Variants in SCRN1 observed in about 807,000 individuals in gnomAD.
The protein encoded by SCRN1 is secernin-1.
A neutral mutation model predicts 43.3 loss-of-function variants in SCRN1; 19 were observed. That is an observed-to-expected ratio of 0.44 (90% CI 0.31 to 0.64). The LOEUF (loss-of-function observed/expected upper bound fraction) is 0.64. SCRN1 is among the 30% of genes least tolerant of loss of function. The probability of loss-of-function intolerance (pLI) is 0.09; values close to 1 mark genes in which losing one functional copy is unlikely to be tolerated. For synonymous variants in SCRN1, 183 were observed against 188.9 expected (o/e 0.97, Z 0.26); for missense variants, 447 against 524.1 (o/e 0.85, Z 1.44).
At chr7:29,933,618 A>C (rs1312862793) in intron 6 of SCRN1, among the ~76,000 whole-genome samples, 1 of 152,158 alleles carries the variant, frequency 6.6e-6, no homozygotes. Context: ...TTGCCTTCTC[A>C]ATATAATTAA....
At chr7:29,985,755 G>A (rs1372133168) in intron 1 of SCRN1, among the ~76,000 whole-genome samples, 2 of 152,174 alleles carry the variant, frequency 1.3e-5, no homozygotes, top group African/African-American at 4.8e-5. Context: ...ATACTCAGCA[G>A]TCCCAGCCCA....
At chr7:29,924,141 G>C (rs761613797) in intron 7 of SCRN1, 26 bp from the exon 8 acceptor site, 1 of 1,595,022 alleles carries the variant, frequency 6.3e-7, no homozygotes, top group Non-Finnish European at 8.5e-7. Flanking sequence ...ACTGCTTTAG[G>C]TGTCAGCAAA....
chr7:29,983,072 C>T (rs1047887246), intron 1 of SCRN1, among the ~76,000 whole-genome samples: 1 of 151,782 alleles, frequency 6.6e-6, no homozygotes, highest in Non-Finnish European at 1.5e-5. Flanking sequence ...CTCCTGACCT[C>T]GTGATCCGCC....
At chr7:29,929,599 T>G (rs753284219) in intron 6 of SCRN1, among the ~76,000 whole-genome samples, 31 of 152,192 alleles carry the variant, frequency 2.0e-4, no homozygotes, top group Admixed American at 1.9e-3. Context: ...TGGGCGGAGC[T>G]ACCTCCCACA....
At chr7:29,941,801 A>G (rs754008517) in intron 4 of SCRN1, among the ~76,000 whole-genome samples, 40 of 152,354 alleles carry the variant, frequency 2.6e-4, no homozygotes, top group Non-Finnish European at 2.8e-4. Context: ...TCAGCCTTCC[A>G]GCTTCAAGAT....
chr7:29,924,241 C>T (rs960162327), intron 7 of SCRN1, 126 bp from the exon 8 acceptor site: 19 of 852,478 alleles, frequency 2.2e-5, no homozygotes, highest in Middle Eastern at 3.7e-4. Flanking sequence ...CACTCCGTTT[C>T]ACACACGACT....
intron 2 of SCRN1, among the ~76,000 whole-genome samples, chr7:29,958,553 T>C (rs748689885): frequency 1.3e-5 from 2 of 152,226 alleles, no homozygotes; most frequent in African/African-American, 4.8e-5. Flanking sequence ...CTTCTTTCAG[T>C]GTGGCAAAAA....
At chr7:29,947,778 A>G (rs1787782472) in intron 3 of SCRN1, among the ~76,000 whole-genome samples, 1 of 152,098 alleles carries the variant, frequency 6.6e-6, no homozygotes, top group Non-Finnish European at 1.5e-5. Flanking sequence ...GGCCTTTGGG[A>G]GGTGATGAGG....
chr7:29,932,481 C>T (rs773646727), intron 6 of SCRN1, among the ~76,000 whole-genome samples: 4 of 151,342 alleles, frequency 2.6e-5, no homozygotes, highest in East Asian at 3.9e-4. Context: ...GGTGAAACCC[C>T]GTCTCTACTA....
chr7:29,954,331 T>TA (rs1788057359), intron 3 of SCRN1, among the ~76,000 whole-genome samples: 1 of 151,864 alleles, frequency 6.6e-6, no homozygotes, highest in African/African-American at 2.4e-5. Flanking sequence ...TTTCATATTT[T>TA]TATATATATA....
At chr7:29,946,353 C>T (rs984991010) in intron 3 of SCRN1, among the ~76,000 whole-genome samples, 2 of 152,204 alleles carry the variant, frequency 1.3e-5, no homozygotes, top group East Asian at 1.9e-4. Flanking sequence ...TGTACACACT[C>T]GAAGGCCTCC....
In SCRN1 at chr7:29,920,342, T is replaced by C. The variant is rs1786712700; in HGVS notation, c.*3615A>G. On this transcript the variant is annotated 3_prime_UTR_variant, in exon 8 of 8. Coordinates refer to ENST00000242059, the MANE Select transcript of SCRN1 (RefSeq NM_014766.5). ...AATTCTCACAGCATAATTGCAAACA[T>C]GTACATATTGGTTCCCACGAGAAAT... The C allele has an allele frequency of 6.6e-6, 1 of 152,170 alleles. No homozygotes were observed. The highest frequency in any genetic ancestry group is 6.5e-5 in the Admixed American group (1 of 15,278). The allele number at this position is 152,170 out of a possible 1,614,324, so 9.4% of individuals were successfully genotyped here. A position where few individuals can be genotyped will look rare whatever the true frequency, so the allele number is the denominator to read the frequency against.
At chr7:29,960,071 GCTCT>G (rs911948427) in intron 2 of SCRN1, among the ~76,000 whole-genome samples, 4 of 151,836 alleles carry the variant, frequency 2.6e-5, no homozygotes, top group Non-Finnish European at 5.9e-5. Context: ...GCTTTGCTCA[GCTCT>G]CTCTGATTCC....
At position 29,927,348 on chromosome 7, in the gene SCRN1, A is replaced by AC. The variant is rs71557443; in HGVS notation, c.906-717dup. Among the ~76,000 whole-genome samples the AC allele has an allele frequency of 2.8e-4, 29 of 105,340 alleles. No individual in the cohort carries two copies. In the South Asian group the frequency reaches 3.7e-3, roughly 13 times the overall value. 69.1% of individuals were successfully genotyped at this position (105,340 alleles called of 152,430 possible). A position where few individuals can be genotyped will look rare whatever the true frequency, so the allele number is the denominator to read the frequency against. ...TACTTGTACAAGTCTAGGATACATC[A>AC]CCCCCCCACCCACCCACCCACACAC... On this transcript the variant is annotated intron_variant, in intron 6 of 7. Coordinates refer to ENST00000242059, the MANE Select transcript of SCRN1 (RefSeq NM_014766.5).
At chr7:29,932,899 C>A (rs1283388414) in intron 6 of SCRN1, among the ~76,000 whole-genome samples, 1 of 151,842 alleles carries the variant, frequency 6.6e-6, no homozygotes, top group African/African-American at 2.4e-5. Flanking sequence ...TTTTTTGAGA[C>A]AGAGTCTCAC....
At chr7:29,936,450 TGCTATCCAA>T in intron 6 of SCRN1, 97 bp downstream of exon 6, 1 of 1,026,926 alleles carries the variant, frequency 9.7e-7, no homozygotes. Flanking sequence ...AACGTGACTT[TGCTATCCAA>T]GGGGAGGACA....
intron 6 of SCRN1, among the ~76,000 whole-genome samples, chr7:29,932,618 C>G (rs1787194085): frequency 7.9e-6 from 1 of 127,138 alleles, no homozygotes; most frequent in Non-Finnish European, 1.6e-5. Context: ...CGCCACTGCA[C>G]TCCAGCCTAG....
chr7:29,976,719 A>G (rs1423594560), intron 1 of SCRN1, among the ~76,000 whole-genome samples: 1 of 152,224 alleles, frequency 6.6e-6, no homozygotes, highest in South Asian at 2.1e-4. Context: ...TCTAACCACC[A>G]CTGTCCTCCT....
intron 6 of SCRN1, among the ~76,000 whole-genome samples, chr7:29,932,375 T>G (rs1044791445): frequency 4.7e-4 from 71 of 152,116 alleles, no homozygotes; most frequent in African/African-American, 1.6e-3. Flanking sequence ...CAAGCCAATT[T>G]AACTTCTCAA....
Sources: gnomAD v4.1 joint callset for allele counts (sites outside exome capture counted in the v4.1 genomes callset) on GRCh38, gnomAD v4.1.1 for gene constraint, MANE v1.5 for transcripts, NCBI Gene and HGNC (gene_info 2026-07-23, HGNC 2026-07-21) for gene names.